Variants in PRDM6 observed in about 807,000 individuals in gnomAD.
PRDM6 encodes PR/SET domain 6.
PRDM6 carries 25 observed loss-of-function variants against 60.8 expected under a neutral mutation model. That is an observed-to-expected ratio of 0.41 (90% confidence interval 0.30 to 0.57). The LOEUF is 0.57. PRDM6 is among the 20% of genes least tolerant of loss of function. PRDM6 has a pLI of 0.27. For missense variants in PRDM6, 839 were observed against 821.3 expected (o/e 1.02, Z -0.26); for synonymous variants, 407 against 357.4 (o/e 1.14, Z -1.57).
At chr5:123,154,432 G>T (rs485066) in intron 3 of PRDM6, among the ~76,000 whole-genome samples, 1 of 152,078 alleles carries the variant, frequency 6.6e-6, no homozygotes, top group Non-Finnish European at 1.5e-5. Context: ...GTTTTTAACA[G>T]ATTAATGTTT....
intron 3 of PRDM6, among the ~76,000 whole-genome samples, chr5:123,140,501 C>A (rs1765072441): frequency 1.3e-5 from 2 of 152,016 alleles, no homozygotes; most frequent in Admixed American, 6.6e-5. Flanking sequence ...AAGATTTATG[C>A]AGCTTCTCAG....
intron 3 of PRDM6, among the ~76,000 whole-genome samples, chr5:123,137,751 C>A (rs1387241130): frequency 5.9e-5 from 9 of 151,750 alleles, no homozygotes; most frequent in Middle Eastern, 3.4e-3. Flanking sequence ...AACAGACCTG[C>A]ACGTTCTGCA....
At chr5:123,186,308 A>G (rs1282568862) in intron 7 of PRDM6, among the ~76,000 whole-genome samples, 1 of 152,218 alleles carries the variant, frequency 6.6e-6, no homozygotes, top group African/African-American at 2.4e-5. Context: ...GGTTGTTTGG[A>G]AGATATGGAC....
chr5:123,133,953 T>C (rs1764896493), intron 3 of PRDM6, among the ~76,000 whole-genome samples: 1 of 152,122 alleles, frequency 6.6e-6, no homozygotes, highest in Non-Finnish European at 1.5e-5. Context: ...TCTTGGGTGG[T>C]TTATCAAATG....
chr5:123,147,458 G>C (rs569183047), intron 3 of PRDM6, among the ~76,000 whole-genome samples: 6 of 152,112 alleles, frequency 3.9e-5, no homozygotes, highest in South Asian at 2.1e-4. Context: ...GGAGAAGAGG[G>C]AAAAAGATAG....
chr5:123,097,882 G>C (rs1423171370), intron 2 of PRDM6, among the ~76,000 whole-genome samples: 3 of 152,194 alleles, frequency 2.0e-5, no homozygotes, highest in Non-Finnish European at 4.4e-5. Context: ...AGAGGTCTGG[G>C]GACATTTCTG....
intron 3 of PRDM6, among the ~76,000 whole-genome samples, chr5:123,142,288 C>T (rs979064903): frequency 9.1e-6 from 1 of 109,958 alleles, no homozygotes; most frequent in African/African-American, 3.4e-5. Context: ...TCCCAAAGAT[C>T]ATCTTATTTA....
At position 123,189,147 on chromosome 5, in the gene PRDM6, C is replaced by T. The variant is rs1766354548; in HGVS notation, c.*1946C>T. 6.6e-6 allele frequency: 1 copy of T among 152,094 alleles called. No individual in the cohort carries two copies. Among genetic ancestry groups the T allele is most frequent in the Non-Finnish European group, 1.5e-5 (1 of 68,006 alleles). The allele number at this position is 152,094 out of a possible 1,614,324, so 9.4% of individuals were successfully genotyped here. ...AGGAATGTGTTCTGATTTTACAATT[C>T]CCTGCCCTAAGTGATGGATACGTTT... On this transcript the variant is annotated 3_prime_UTR_variant, in exon 8 of 8. Coordinates refer to ENST00000407847, the MANE Select transcript of PRDM6 (RefSeq NM_001136239.4).
intron 3 of PRDM6, among the ~76,000 whole-genome samples, chr5:123,120,149 G>A (rs1764546997): frequency 6.6e-6 from 1 of 152,172 alleles, no homozygotes; most frequent in Admixed American, 6.5e-5. Flanking sequence ...TTTAAAGTGG[G>A]TCTTAGAAAG....
intron 3 of PRDM6, among the ~76,000 whole-genome samples, chr5:123,122,406 A>G (rs983377650): frequency 6.6e-6 from 1 of 152,132 alleles, no homozygotes; most frequent in Non-Finnish European, 1.5e-5. Context: ...TAGTTTATTT[A>G]TCTTGTGAAT....
chr5:123,100,022 T>A, intron 3 of PRDM6, 61 bp downstream of exon 3: 1 of 1,431,240 alleles, frequency 7.0e-7, no homozygotes, highest in Non-Finnish European at 9.2e-7. Flanking sequence ...GCAGGGAGCC[T>A]TGGCCGGCAG....
intron 3 of PRDM6, among the ~76,000 whole-genome samples, chr5:123,141,101 C>T (rs1765088104): frequency 6.6e-6 from 1 of 151,622 alleles, no homozygotes; most frequent in Non-Finnish European, 1.5e-5. Context: ...TTTATAAACC[C>T]AGTTTTGAGA....
At chr5:123,178,608 G>A (rs1766069265) in intron 6 of PRDM6, among the ~76,000 whole-genome samples, 1 of 152,172 alleles carries the variant, frequency 6.6e-6, no homozygotes, top group Admixed American at 6.5e-5. Context: ...TTTGAGAGCA[G>A]TTAGATAGAT....
intron 3 of PRDM6, among the ~76,000 whole-genome samples, chr5:123,154,173 C>G (rs186674696): frequency 2.2e-4 from 34 of 152,264 alleles, no homozygotes; most frequent in African/African-American, 7.7e-4. Context: ...AACCCCACAA[C>G]AACAAAAACA....
rs570240442 is a variant in PRDM6 at position 123,091,223 on chromosome 5, A to G, written c.592+617A>G. 8.1e-4 allele frequency among the ~76,000 whole-genome samples: 124 copies of G among 152,172 alleles called. 1 individual carries two copies. Among genetic ancestry groups the G allele is most frequent in the African/African-American group, 2.8e-3 (118 of 41,508 alleles). ...GAAGGCAGGCAGTATTCTTAGATCT[A>G]CTATTCATTTAAAAAGAAGGAAAAG... is the stretch of plus-strand genomic sequence containing the variant. On this transcript the variant is annotated intron_variant, in intron 2 of 7. Coordinates refer to ENST00000407847, the MANE Select transcript of PRDM6 (RefSeq NM_001136239.4).
At chr5:123,120,326 A>G (rs335163) in intron 3 of PRDM6, among the ~76,000 whole-genome samples, 28,383 of 152,120 alleles carry the variant, frequency 0.19, 3,276 homozygotes, top group South Asian at 0.37. Context: ...ATTCTCCTCT[A>G]GGAATTCTGC....
chr5:123,160,026 C>T (rs556609885), intron 5 of PRDM6, among the ~76,000 whole-genome samples: 39 of 152,342 alleles, frequency 2.6e-4, no homozygotes, highest in African/African-American at 9.4e-4. Context: ...GGGAGCCACA[C>T]TGTATGCAAA....
intron 3 of PRDM6, among the ~76,000 whole-genome samples, chr5:123,132,890 T>C (rs1764863769): frequency 6.6e-6 from 1 of 152,154 alleles, no homozygotes; most frequent in African/African-American, 2.4e-5. Flanking sequence ...ATTATATCTT[T>C]ACAGTTGTTG....
intron 3 of PRDM6, among the ~76,000 whole-genome samples, chr5:123,111,916 A>T (rs1456221228): frequency 6.6e-6 from 1 of 152,014 alleles, no homozygotes; most frequent in Non-Finnish European, 1.5e-5. Flanking sequence ...CATCTTGGCT[A>T]ATCTCCTGTG....
Sources: gnomAD v4.1 joint callset for allele counts (sites outside exome capture counted in the v4.1 genomes callset) on GRCh38, gnomAD v4.1.1 for gene constraint, MANE v1.5 for transcripts, NCBI Gene and HGNC (gene_info 2026-07-23, HGNC 2026-07-21) for gene names.